AQP9: variants seen among roughly 807,000 people sequenced by gnomAD.
AQP9 encodes the protein aquaporin-9.
In AQP9, 19 loss-of-function variants were observed where a neutral mutation model predicts 23.8. That is an observed-to-expected ratio of 0.80 (90% confidence interval 0.56 to 1.17). AQP9 has a LOEUF of 1.17. Ranked by LOEUF, AQP9 falls within the 50% of genes most tolerant of loss-of-function variation. The pLI is 0.00. For synonymous variants in AQP9, 153 were observed against 131.5 expected (o/e 1.16, Z -1.12); for missense variants, 413 against 362.0 (o/e 1.14, Z -1.14).
intron 1 of AQP9, among the ~76,000 whole-genome samples, chr15:58,157,510 C>A (rs1251599835): frequency 2.6e-5 from 4 of 152,190 alleles, no homozygotes; most frequent in African/African-American, 9.7e-5. Context: ...CCCCCAAATG[C>A]TGACCAGTGC....
At chr15:58,155,539 G>C (rs1190059264) in intron 1 of AQP9, 2 of 152,110 alleles carry the variant, frequency 1.3e-5, no homozygotes, top group Non-Finnish European at 2.9e-5. Context: ...CAGCTTTAGA[G>C]ACTTTTCACC....
In AQP9 at chr15:58,184,980, T is replaced by C. The variant is rs1566993346; in HGVS notation, c.*845T>C. On this transcript the variant is annotated 3_prime_UTR_variant, in exon 6 of 6. Transcript: ENST00000219919. ...TTGAGAACAGACATTTGACAAGTTA[T>C]ATCAACGACTGTGCTTGTCCATTAT... 1.3e-5 allele frequency: 2 copies of C among 152,202 alleles called. No individual in the cohort carries two copies. The highest frequency in any genetic ancestry group is 1.3e-4 in the Admixed American group (2 of 15,282). 9.4% of individuals were successfully genotyped at this position (152,202 alleles called of 1,614,324 possible).
intron 3 of AQP9, 24 bp from the exon 4 acceptor site, chr15:58,174,894 G>A (rs1898705392): frequency 6.3e-7 from 1 of 1,596,734 alleles, no homozygotes; most frequent in Non-Finnish European, 8.6e-7. Context: ...GAACACTAAT[G>A]TGCCAGAGCT....
At chr15:58,171,340 G>C (rs1257635980) in intron 2 of AQP9, among the ~76,000 whole-genome samples, 2 of 152,078 alleles carry the variant, frequency 1.3e-5, no homozygotes, top group East Asian at 3.9e-4. Flanking sequence ...ACCCAACTCA[G>C]CCTCCCAAAG....
intron 4 of AQP9, among the ~76,000 whole-genome samples, chr15:58,176,288 T>A (rs185708427): frequency 2.6e-5 from 4 of 152,196 alleles, no homozygotes; most frequent in Non-Finnish European, 4.4e-5. Flanking sequence ...GAGGCCAAGG[T>A]GGACAGGTCA....
At chr15:58,138,916 T>G (rs12437895) in intron 1 of AQP9, 1 of 417,390 alleles carries the variant, frequency 2.4e-6, no homozygotes, top group Admixed American at 4.1e-5. Flanking sequence ...AAGGAGTGAG[T>G]GAAGTGCCTT....
intron 1 of AQP9, among the ~76,000 whole-genome samples, chr15:58,143,152 T>C (rs1008323777): frequency 5.3e-5 from 8 of 152,214 alleles, no homozygotes; most frequent in African/African-American, 1.4e-4. Flanking sequence ...TGATTTATGT[T>C]CAATGCTCAG....
At chr15:58,144,364 C>T (rs1340199650) in intron 1 of AQP9, among the ~76,000 whole-genome samples, 2 of 152,154 alleles carry the variant, frequency 1.3e-5, no homozygotes, top group Non-Finnish European at 2.9e-5. Context: ...GTCCCAAGGC[C>T]AGTTTTGACT....
At chr15:58,142,967 C>CTCAGG (rs1317357546) in intron 1 of AQP9, among the ~76,000 whole-genome samples, 4 of 152,152 alleles carry the variant, frequency 2.6e-5, no homozygotes, top group African/African-American at 9.7e-5. Context: ...GTGCACCATC[C>CTCAGG]TCAGGCCCTC....
At chr15:58,172,577 C>A (rs1421737642) in intron 2 of AQP9, among the ~76,000 whole-genome samples, 1 of 152,192 alleles carries the variant, frequency 6.6e-6, no homozygotes, top group African/African-American at 2.4e-5. Context: ...CTCAGCAACC[C>A]ACAGTCATTT....
At chr15:58,172,269 G>A (rs1898641540) in intron 2 of AQP9, among the ~76,000 whole-genome samples, 1 of 152,170 alleles carries the variant, frequency 6.6e-6, no homozygotes, top group Non-Finnish European at 1.5e-5. Flanking sequence ...TTCTTAAGAG[G>A]ATCAAATCCA....
intron 1 of AQP9, chr15:58,154,484 T>C: frequency 6.6e-6 from 1 of 152,050 alleles, no homozygotes; most frequent in East Asian, 1.9e-4. Flanking sequence ...CGTAACTGTA[T>C]AAAGAAGCTG....
intron 5 of AQP9, among the ~76,000 whole-genome samples, chr15:58,179,628 T>C (rs891954764): frequency 4.8e-4 from 73 of 152,176 alleles, no homozygotes; most frequent in Admixed American, 2.0e-3. Flanking sequence ...CCTCAATTGC[T>C]ATATGATTTT....
At chr15:58,155,162 A>G (rs1419996927) in intron 1 of AQP9, 2 of 152,206 alleles carry the variant, frequency 1.3e-5, no homozygotes, top group African/African-American at 2.4e-5. Context: ...TCAATCACCA[A>G]TATCAGCCGA....
At chr15:58,161,997 T>C (rs1898394739) in intron 1 of AQP9, among the ~76,000 whole-genome samples, 1 of 152,182 alleles carries the variant, frequency 6.6e-6, no homozygotes, top group South Asian at 2.1e-4. Context: ...GTTCAACATA[T>C]TATCTTGAAA....
At chr15:58,146,753 C>G (rs993671072) in intron 1 of AQP9, 1 of 152,126 alleles carries the variant, frequency 6.6e-6, no homozygotes, top group African/African-American at 2.4e-5. Flanking sequence ...GCTGGGTTCC[C>G]CAGGTATACC....
intron 4 of AQP9, among the ~76,000 whole-genome samples, chr15:58,178,900 C>G (rs1898816484): frequency 6.6e-6 from 1 of 152,116 alleles, no homozygotes; most frequent in Non-Finnish European, 1.5e-5. Context: ...GGCAGGGTAA[C>G]CAATCTGTAA....
At chr15:58,156,231 T>C (rs937163751) in intron 1 of AQP9, among the ~76,000 whole-genome samples, 2 of 152,226 alleles carry the variant, frequency 1.3e-5, no homozygotes, top group Admixed American at 1.3e-4. Flanking sequence ...CTTTAACTGC[T>C]ATGTCAGTAT....
chr15:58,154,082 T>A (rs1415178061), intron 1 of AQP9: 1 of 152,174 alleles, frequency 6.6e-6, no homozygotes, highest in African/African-American at 2.4e-5. Flanking sequence ...GGCCTCTTAC[T>A]AGCAATAGAA....
Sources: allele counts gnomAD v4.1 joint callset (sites outside exome capture counted in the v4.1 genomes callset), GRCh38; gene constraint gnomAD v4.1.1; transcripts MANE v1.5; gene names NCBI Gene and HGNC (gene_info 2026-07-23, HGNC 2026-07-21).